LINGO2: variants seen among roughly 807,000 people sequenced by gnomAD.
The protein encoded by LINGO2 is leucine-rich repeat and immunoglobulin-like domain-containing nogo receptor-interacting protein 2.
LINGO2 carries 14 observed loss-of-function variants against 30.6 expected under a neutral mutation model. The observed-to-expected ratio is 0.46, with a 90% CI of 0.30 to 0.72. LINGO2 has a LOEUF of 0.72. LINGO2 is among the 30% of genes least tolerant of loss of function. The pLI is 0.07. For missense variants in LINGO2, 729 were observed against 751.7 expected, an observed-to-expected ratio of 0.97 and a Z score of 0.35; for synonymous variants, 317 against 288.5, an observed-to-expected ratio of 1.10 and a Z score of -1.00.
At chr9:28,346,483 G>C (rs1819575034) in intron 3 of LINGO2, among the ~76,000 whole-genome samples, 1 of 152,104 alleles carries the variant, frequency 6.6e-6, no homozygotes, top group African/African-American at 2.4e-5. Flanking sequence ...ATTGTGAATA[G>C]TGCTGCAATG....
intron 2 of LINGO2, among the ~76,000 whole-genome samples, chr9:28,444,676 C>T (rs938789924): frequency 6.6e-6 from 1 of 152,206 alleles, no homozygotes; most frequent in Non-Finnish European, 1.5e-5. Context: ...CTGGTGCCCA[C>T]AGTGGAAGTT....
intron 4 of LINGO2, among the ~76,000 whole-genome samples, chr9:28,150,273 G>A (rs889043805): frequency 6.6e-6 from 1 of 152,376 alleles, no homozygotes; most frequent in Admixed American, 6.5e-5. Context: ...CCCGGCTGCT[G>A]TGCAACCTTC....
the LINGO2 span, among the ~76,000 whole-genome samples, chr9:28,928,111 T>A: frequency 6.6e-6 from 1 of 152,252 alleles, no homozygotes. Context: ...TTATCCAAGA[T>A]TTCTTGTTTC....
chr9:28,022,327 C>T (rs1235269645), intron 4 of LINGO2, among the ~76,000 whole-genome samples: 2 of 152,010 alleles, frequency 1.3e-5, no homozygotes, highest in Admixed American at 6.6e-5. Context: ...ATCATTGCTA[C>T]TATTAAACAG....
chr9:28,893,577 TC>T, the LINGO2 span, among the ~76,000 whole-genome samples: 1 of 28,252 alleles, frequency 3.5e-5, no homozygotes, highest in South Asian at 6.6e-4. Context: ...GCAATGGTTA[TC>T]ATTTTTTTTT....
At chr9:28,914,097 T>C in the LINGO2 span, among the ~76,000 whole-genome samples, 1 of 152,058 alleles carries the variant, frequency 6.6e-6, no homozygotes, top group African/African-American at 2.4e-5. Flanking sequence ...AACAAGAAAA[T>C]AACTCATTAA....
At chr9:28,110,944 T>G (rs1176829029) in intron 4 of LINGO2, among the ~76,000 whole-genome samples, 5 of 152,152 alleles carry the variant, frequency 3.3e-5, no homozygotes, top group African/African-American at 1.2e-4. Flanking sequence ...CATGTATGCT[T>G]ATTGCAGCAC....
intron 1 of LINGO2, among the ~76,000 whole-genome samples, chr9:28,519,853 T>A (rs188812784): frequency 1.3e-5 from 2 of 152,144 alleles, no homozygotes; most frequent in African/African-American, 4.8e-5. Flanking sequence ...CTAAGAAGTT[T>A]TTGCCCAGCC....
At chr9:28,790,953 T>C in the LINGO2 span, among the ~76,000 whole-genome samples, 7 of 152,266 alleles carry the variant, frequency 4.6e-5, no homozygotes, top group Admixed American at 3.9e-4. Flanking sequence ...CACACTACCA[T>C]ACTCTTATAA....
At chr9:28,199,124 G>C (rs1030888370) in intron 4 of LINGO2, among the ~76,000 whole-genome samples, 12 of 152,056 alleles carry the variant, frequency 7.9e-5, no homozygotes, top group Non-Finnish European at 1.3e-4. Context: ...TTATTACCCA[G>C]CATTGCAAAC....
At chr9:29,034,745 A>G in the LINGO2 span, among the ~76,000 whole-genome samples, 2 of 152,206 alleles carry the variant, frequency 1.3e-5, no homozygotes, top group African/African-American at 4.8e-5. Context: ...ATTCAGAAGA[A>G]TATCATCTTT....
chr9:29,108,017 A>G, the LINGO2 span, among the ~76,000 whole-genome samples: 1 of 152,158 alleles, frequency 6.6e-6, no homozygotes, highest in African/African-American at 2.4e-5. Context: ...TTATCAATGG[A>G]TAACACTAGC....
chr9:28,518,136 T>A (rs1005443383), intron 1 of LINGO2, among the ~76,000 whole-genome samples: 11 of 151,950 alleles, frequency 7.2e-5, no homozygotes, highest in Non-Finnish European at 1.6e-4. Flanking sequence ...AGATTACAAC[T>A]TGGAGAGGAC....
chr9:28,072,137 C>CCTT (rs113522290), intron 4 of LINGO2, among the ~76,000 whole-genome samples: 10,553 of 152,168 alleles, frequency 0.069, 1,095 homozygotes, highest in African/African-American at 0.23. Context: ...AATACTGACT[C>CCTT]CTATTTTCCT....
chr9:28,027,352 G>A (rs1823430041), intron 4 of LINGO2, among the ~76,000 whole-genome samples: 1 of 152,186 alleles, frequency 6.6e-6, no homozygotes, highest in Non-Finnish European at 1.5e-5. Flanking sequence ...TTTGGCTGTA[G>A]TTCATTATCT....
chr9:28,585,681 A>G (rs182186715), intron 1 of LINGO2, among the ~76,000 whole-genome samples: 2 of 152,112 alleles, frequency 1.3e-5, no homozygotes, highest in African/African-American at 4.8e-5. Context: ...TTTACTTACA[A>G]TATTTTCAGT....
At chr9:28,169,651 A>G (rs2133646329) in intron 4 of LINGO2, among the ~76,000 whole-genome samples, 1 of 152,328 alleles carries the variant, frequency 6.6e-6, no homozygotes, top group South Asian at 2.1e-4. Flanking sequence ...CATTTATTGA[A>G]TGGACACGAG....
the LINGO2 span, among the ~76,000 whole-genome samples, chr9:29,198,148 C>T: frequency 6.6e-6 from 1 of 151,990 alleles, no homozygotes; most frequent in Non-Finnish European, 1.5e-5. Context: ...TCTAATAGTC[C>T]TCTGGAACAA....
At chr9:28,531,047 A>AT (rs1821214200) in intron 1 of LINGO2, among the ~76,000 whole-genome samples, 2 of 146,806 alleles carry the variant, frequency 1.4e-5, no homozygotes, top group African/African-American at 5.0e-5. Flanking sequence ...ATATAAAAAT[A>AT]AATATATATA....
Sources: gnomAD v4.1 joint callset for allele counts (sites outside exome capture counted in the v4.1 genomes callset) on GRCh38, gnomAD v4.1.1 for gene constraint, MANE v1.5 for transcripts, NCBI Gene and HGNC (gene_info 2026-07-23, HGNC 2026-07-21) for gene names.